CPNE5: variants seen among roughly 807,000 people sequenced by gnomAD.
CPNE5 encodes copine-5.
A neutral mutation model predicts 81.1 loss-of-function variants in CPNE5; 42 were observed. That is an observed-to-expected ratio of 0.52 (90% CI 0.40 to 0.67). The LOEUF (loss-of-function observed/expected upper bound fraction) is 0.67, where lower values mean the gene tolerates loss of function less well. CPNE5 is among the 30% of genes least tolerant of loss of function. CPNE5 has a pLI of 0.00. For missense variants in CPNE5, 612 were observed against 815.5 expected, an observed-to-expected ratio of 0.75 and a Z score of 3.04; for synonymous variants, 313 against 321.5, an observed-to-expected ratio of 0.97 and a Z score of 0.28.
intron 1 of CPNE5, among the ~76,000 whole-genome samples, chr6:36,834,672 T>C (rs1427564782): frequency 1.3e-5 from 2 of 149,464 alleles, no homozygotes; most frequent in Non-Finnish European, 3.0e-5. Flanking sequence ...AAAAAAAAAG[T>C]TGAGTGTAGA....
intron 18 of CPNE5, 69 bp from the exon 19 acceptor site, chr6:36,744,394 T>G: frequency 6.5e-6 from 8 of 1,228,892 alleles, no homozygotes; most frequent in East Asian, 2.5e-5. Context: ...GAAGGAGAAA[T>G]CAGGGGTAGG....
At position 36,822,166 on chromosome 6, in the gene CPNE5, G is replaced by A. The variant is rs1561821009; in HGVS notation, c.137-6C>T. The A allele has an allele frequency of 6.6e-7, 1 of 1,510,318 alleles. No individual in the cohort carries two copies. Among genetic ancestry groups the A allele is most frequent in the Non-Finnish European group, 8.9e-7 (1 of 1,118,338 alleles). 93.6% of individuals were successfully genotyped at this position (1,510,318 alleles called of 1,614,324 possible). A position where few individuals can be genotyped will look rare whatever the true frequency, so the allele number is the denominator to read the frequency against. On this transcript the variant is annotated splice_region_variant and splice_polypyrimidine_tract_variant and intron_variant, in intron 2 of 20. Transcript: ENST00000244751. Reference sequence around the variant, plus strand: ...TTGGGTATACATGACGCACACTGCGGGGGGAGGAGAAACAGTGGATTAATA... The same window carrying A: ...TTGGGTATACATGACGCACACTGCGAGGGGAGGAGAAACAGTGGATTAATA...
intron 20 of CPNE5, 141 bp from the exon 21 acceptor site, chr6:36,742,627 G>T: frequency 7.0e-7 from 1 of 1,430,882 alleles, no homozygotes; most frequent in Non-Finnish European, 9.1e-7. Flanking sequence ...TGAATTACCT[G>T]AGGGACTGTA....
chr6:36,778,941 T>C lies in CPNE5; in HGVS notation c.545A>G (p.Gln182Arg). Residue 182 changes from glutamine to arginine, a missense_variant, in exon 9 of 21, where the codon CAG becomes CGG. Transcript: ENST00000244751. ...CTTGTCCAGCTTGTTGGCACAGAAC[T>C]GCATGGTGGCGACATCCTGGTGGGA... ...LSNCRDVATMQFCANKLDKKD... is the reference protein window; with the variant it reads ...LSNCRDVATMRFCANKLDKKD... The C allele has an allele frequency of 6.3e-7, 1 of 1,594,962 alleles. No individual in the cohort carries two copies. Among genetic ancestry groups the C allele is most frequent in the Middle Eastern group, 1.7e-4 (1 of 6,020 alleles).
intron 12 of CPNE5, among the ~76,000 whole-genome samples, chr6:36,761,138 C>A (rs1381383091): frequency 1.3e-5 from 2 of 152,234 alleles, no homozygotes; most frequent in East Asian, 1.9e-4. Context: ...AGAGATCTGA[C>A]CCCTTCCCTT....
chr6:36,746,948 A>G lies in CPNE5; in HGVS notation c.1019-371T>C, dbSNP rs1223225346. ...ATGCCTCCACCTCCCCCAAAATGAA[A>G]CCCAAAGTCCTCACAAGAGCCCGCA... On this transcript the variant is annotated intron_variant, in intron 15 of 20. Transcript: ENST00000244751. This position sits in a 1 kb window ranked among gnomAD's most constrained non-coding sequence, Gnocchi z 4.5. 3.8e-5 allele frequency among the ~76,000 whole-genome samples: 4 copies of G among 106,162 alleles called. No individual in the cohort carries two copies. The highest frequency in any genetic ancestry group is 7.3e-4 in the South Asian group (2 of 2,730). 69.6% of individuals were successfully genotyped at this position (106,162 alleles called of 152,430 possible).
rs569226795 is a variant in CPNE5 at position 36,754,772 on chromosome 6, C to A, written c.909+1473G>T. The A allele has an allele frequency of 3.9e-5, 6 of 152,338 alleles. No homozygotes were observed. The South Asian group carries it at 1.0e-3, about 26-fold the overall frequency. The allele number at this position is 152,338 out of a possible 1,614,324, so 9.4% of individuals were successfully genotyped here. A position where few individuals can be genotyped will look rare whatever the true frequency, so the allele number is the denominator to read the frequency against. On this transcript the variant is annotated intron_variant, in intron 13 of 20. Coordinates refer to ENST00000244751, the MANE Select transcript of CPNE5 (RefSeq NM_020939.2). The stretch of plus-strand genomic sequence containing the variant: ...CTGGATGAGATCAGTGGTTTTTGAA[C>A]CTTTTTATTCCCAGCTGGGGAAGGT...
chr6:36,788,237 C>T (rs372210383), intron 8 of CPNE5, among the ~76,000 whole-genome samples: 2 of 151,064 alleles, frequency 1.3e-5, no homozygotes, highest in Non-Finnish European at 1.5e-5. Context: ...GGGGGGGGGT[C>T]TCACTATGAT....
intron 8 of CPNE5, among the ~76,000 whole-genome samples, chr6:36,788,407 G>A (rs542080970): frequency 6.6e-6 from 1 of 152,242 alleles, no homozygotes; most frequent in South Asian, 2.1e-4. Context: ...GTCGGTGACT[G>A]TTCCCTGTAC....
chr6:36,765,213 C>T, intron 11 of CPNE5, 122 bp downstream of exon 11: 5 of 1,003,250 alleles, frequency 5.0e-6, no homozygotes, highest in Non-Finnish European at 7.4e-6. Context: ...CAAACCCAGG[C>T]TCCCTCACCC....
chr6:36,818,488 G>A (rs1304221502), intron 3 of CPNE5, among the ~76,000 whole-genome samples: 1 of 152,204 alleles, frequency 6.6e-6, no homozygotes, highest in Non-Finnish European at 1.5e-5. Flanking sequence ...GAGATGGGAA[G>A]AGTGACCAGG....
intron 1 of CPNE5, among the ~76,000 whole-genome samples, chr6:36,835,387 G>C (rs1375494421): frequency 2.0e-5 from 3 of 152,178 alleles, no homozygotes; most frequent in African/African-American, 7.2e-5. Context: ...ATCAGAGGAA[G>C]GAAGAGCTCT....
chr6:36,823,202 C>T (rs773166543), intron 1 of CPNE5, 104 bp from the exon 2 acceptor site: 3 of 935,192 alleles, frequency 3.2e-6, no homozygotes, highest in Non-Finnish European at 4.6e-6. Context: ...TCTGGCCTGG[C>T]CTCAGGCAAA....
chr6:36,746,138 C>A lies in CPNE5; in HGVS notation c.1200+258G>T. On this transcript the variant is annotated intron_variant, in intron 16 of 20. Transcript: ENST00000244751. This position sits in a 1 kb window ranked among gnomAD's most constrained non-coding sequence, Gnocchi z 4.5. ...TGGGTCAGCCACAGCTCGCCTCCAC[C>A]TGCACCTGCGTCTTGTCAGGAACAA... 1.0e-6 allele frequency: 1 copy of A among 985,240 alleles called. No individual in the cohort carries two copies. The highest frequency in any genetic ancestry group is 1.2e-6 in the Non-Finnish European group (1 of 829,760). 61.0% of individuals were successfully genotyped at this position (985,240 alleles called of 1,614,324 possible).
Position 36,746,688 on chromosome 6 carries a change from A to C in CPNE5, c.1019-111T>G. 1.1e-6 allele frequency: 1 copy of C among 909,384 alleles called. No homozygotes were observed. Among genetic ancestry groups the C allele is most frequent in the East Asian group, 2.9e-5 (1 of 34,296 alleles). The allele number at this position is 909,384 out of a possible 1,614,324, so 56.3% of individuals were successfully genotyped here. On this transcript the variant is annotated intron_variant, in intron 15 of 20. Coordinates refer to ENST00000244751, the MANE Select transcript of CPNE5 (RefSeq NM_020939.2). The surrounding 1 kb of genome is among the most constrained non-coding windows in gnomAD (Gnocchi z 4.5). ...CACCCCTAACTTTTATTAATTCTTG[A>C]CTCCTCTCTTTCTCTCATACCCCAT...
chr6:36,772,520 C>G (rs1346913713), intron 10 of CPNE5, among the ~76,000 whole-genome samples: 1 of 152,232 alleles, frequency 6.6e-6, no homozygotes, highest in Non-Finnish European at 1.5e-5. Context: ...ATGTGCACAT[C>G]TGTGCTGCCT....
Position 36,742,454 on chromosome 6 carries a change from T to A in CPNE5, c.1596A>T (p.Thr532=). 1 of 1,613,174 alleles carries A rather than the reference T, an allele frequency of 6.2e-7. No homozygotes were observed. Among genetic ancestry groups the A allele is most frequent in the Non-Finnish European group, 8.5e-7 (1 of 1,179,954 alleles). ...GGGCCATGCTCAGCACGTGGTTGCC[T>A]GTGCGGTCCACGTAGTCCCGGAAGG... The part of the protein sequence containing the change: ...FVPFRDYVDR[T]GNHVLSMARL... The change falls in exon 21 of 21, where the codon ACA becomes ACT. Residue 532 remains threonine (T), a synonymous_variant. Coordinates refer to ENST00000244751, the MANE Select transcript of CPNE5 (RefSeq NM_020939.2).
chr6:36,817,610 G>GCTTC (rs1771662966), intron 3 of CPNE5, among the ~76,000 whole-genome samples: 1 of 152,080 alleles, frequency 6.6e-6, no homozygotes, highest in Non-Finnish European at 1.5e-5. Context: ...TGTCTGTGCT[G>GCTTC]GACAGCCCCC....
chr6:36,786,002 G>C (rs978595401), intron 8 of CPNE5, among the ~76,000 whole-genome samples: 2 of 105,926 alleles, frequency 1.9e-5, no homozygotes, highest in Non-Finnish European at 3.4e-5. Context: ...GACAGAGCAA[G>C]ACTCCGTCTC....
Sources: allele counts gnomAD v4.1 joint callset (sites outside exome capture counted in the v4.1 genomes callset), GRCh38; gene constraint gnomAD v4.1.1; non-coding constraint Gnocchi (gnomAD v3.1); transcripts MANE v1.5; gene names NCBI Gene and HGNC (gene_info 2026-07-23, HGNC 2026-07-21).